HIVEP3: variants seen among roughly 807,000 people sequenced by gnomAD.
The protein encoded by HIVEP3 is transcription factor HIVEP3.
A neutral mutation model predicts 152.8 loss-of-function variants in HIVEP3; 49 were observed. The observed-to-expected ratio is 0.32, with a 90% CI of 0.26 to 0.41. HIVEP3 has a LOEUF of 0.41. Ranked by LOEUF, HIVEP3 falls within the 10% of genes least tolerant of loss-of-function variation. The pLI, the probability that HIVEP3 is intolerant of heterozygous loss-of-function variation, is 1.00. For synonymous variants in HIVEP3, 1,269 were observed against 1,289.0 expected (o/e 0.98, Z 0.33); for missense variants, 2,790 against 3,103.3 (o/e 0.90, Z 2.40).
At chr1:41,790,132 A>C (rs1015341553) in intron 1 of HIVEP3, among the ~76,000 whole-genome samples, 3 of 152,098 alleles carry the variant, frequency 2.0e-5, no homozygotes, top group Non-Finnish European at 4.4e-5. Flanking sequence ...TCATTCCCCC[A>C]AATCTCATGC....
At chr1:41,655,743 T>C (rs1028279650) in intron 2 of HIVEP3, among the ~76,000 whole-genome samples, 4 of 152,150 alleles carry the variant, frequency 2.6e-5, no homozygotes, top group African/African-American at 9.7e-5. Flanking sequence ...TTGTTCACGA[T>C]TGGCCTCCCT....
chr1:41,889,039 C>T (rs373215779), intron 1 of HIVEP3, among the ~76,000 whole-genome samples: 6,370 of 148,628 alleles, frequency 0.043, 453 homozygotes, highest in African/African-American at 0.15. Flanking sequence ...ACGCTACACA[C>T]ACACACACAC....
intron 1 of HIVEP3, among the ~76,000 whole-genome samples, chr1:41,937,787 G>A (rs1289237078): frequency 2.0e-5 from 3 of 152,162 alleles, no homozygotes; most frequent in South Asian, 2.1e-4. Flanking sequence ...AGAAAGTTCT[G>A]ATTGGACATT....
At chr1:41,717,312 C>T (rs1260504556) in intron 1 of HIVEP3, among the ~76,000 whole-genome samples, 4 of 152,112 alleles carry the variant, frequency 2.6e-5, no homozygotes, top group East Asian at 1.9e-4. Context: ...CTATTCTAGG[C>T]GGTGAATCAG....
chr1:41,666,853 C>T (rs1406844000), intron 2 of HIVEP3, among the ~76,000 whole-genome samples: 1 of 152,222 alleles, frequency 6.6e-6, no homozygotes, highest in Non-Finnish European at 1.5e-5. Flanking sequence ...CTCAGTTTAC[C>T]AGTCCAAACC....
At chr1:41,639,810 G>T (rs1191533930) in intron 2 of HIVEP3, among the ~76,000 whole-genome samples, 1 of 152,194 alleles carries the variant, frequency 6.6e-6, no homozygotes, top group Admixed American at 6.5e-5. Flanking sequence ...CAGACAAGAG[G>T]CTTCTCTCTC....
intron 1 of HIVEP3, among the ~76,000 whole-genome samples, chr1:41,863,593 T>A (rs932496213): frequency 1.3e-5 from 2 of 152,228 alleles, no homozygotes; most frequent in Non-Finnish European, 2.9e-5. Flanking sequence ...TACTTTTGCA[T>A]TTGTAGCCAA....
chr1:41,674,713 C>T (rs932142634), intron 2 of HIVEP3, among the ~76,000 whole-genome samples: 1 of 152,216 alleles, frequency 6.6e-6, no homozygotes, highest in African/African-American at 2.4e-5. Context: ...GCTGAGATCA[C>T]ATCCAGCCGC....
chr1:41,563,401 A>G (rs548601593), intron 5 of HIVEP3, among the ~76,000 whole-genome samples: 22 of 152,110 alleles, frequency 1.4e-4, no homozygotes, highest in African/African-American at 4.8e-4. Flanking sequence ...AAGTGAATGC[A>G]ATGCATACAG....
Position 41,508,054 on chromosome 1 carries a change from G to A in HIVEP3, c.*2397C>T, listed in dbSNP as rs1311376057. ...TGTTCATTGCTAGGCTGCCCAGGGA[G>A]GAAACCTTGGGTGGGTAGGCTGTTT... On this transcript the variant is annotated 3_prime_UTR_variant, in exon 9 of 9. Transcript: ENST00000372583. 6.6e-6 allele frequency: 1 copy of A among 152,308 alleles called. No homozygotes were observed. Among genetic ancestry groups the A allele is most frequent in the Non-Finnish European group, 1.5e-5 (1 of 68,124 alleles). The allele number at this position is 152,308 out of a possible 1,614,324, so 9.4% of individuals were successfully genotyped here. A position where few individuals can be genotyped will look rare whatever the true frequency, so the allele number is the denominator to read the frequency against.
In HIVEP3 at chr1:41,783,179, G is replaced by A. The variant is rs560911674; in HGVS notation, c.-800-82184C>T. ...ATGGGACAGAATCACAGGAGAAAAG[G>A]AGAAACATGGTAAGCCCTTGGCAGA... On this transcript the variant is annotated intron_variant, in intron 1 of 8. Transcript: ENST00000372583. Among the ~76,000 whole-genome samples the A allele has an allele frequency of 1.1e-4, 16 of 152,288 alleles. 1 individual carries two copies. Among genetic ancestry groups the A allele is most frequent in the East Asian group, 9.6e-4 (5 of 5,182 alleles).
chr1:42,022,199 A>G (rs1467133839), intron 1 of HIVEP3, among the ~76,000 whole-genome samples: 1 of 152,162 alleles, frequency 6.6e-6, no homozygotes, highest in East Asian at 1.9e-4. Context: ...CATCACTACT[A>G]TTCTTTCTCA....
intron 3 of HIVEP3, among the ~76,000 whole-genome samples, chr1:41,601,010 G>A (rs1474041762): frequency 6.6e-6 from 1 of 152,124 alleles, no homozygotes; most frequent in East Asian, 1.9e-4. Flanking sequence ...TTATTGAAGA[G>A]ACTACCCTTC....
intron 1 of HIVEP3, among the ~76,000 whole-genome samples, chr1:41,713,915 C>T (rs755171822): frequency 9.9e-5 from 15 of 152,172 alleles, no homozygotes; most frequent in Non-Finnish European, 1.5e-4. Flanking sequence ...GAGAGCCCCC[C>T]GAAACAATGC....
chr1:42,023,189 T>C (rs1645564180), intron 1 of HIVEP3, among the ~76,000 whole-genome samples: 1 of 152,112 alleles, frequency 6.6e-6, no homozygotes, highest in South Asian at 2.1e-4. Context: ...TTATTTTTAG[T>C]AGAGACAGGG....
chr1:41,777,033 A>G (rs1241490204), intron 1 of HIVEP3, among the ~76,000 whole-genome samples: 1 of 152,204 alleles, frequency 6.6e-6, no homozygotes, highest in Admixed American at 6.5e-5. Flanking sequence ...CTCCTGGTTC[A>G]GGTTCTCTTC....
At chr1:41,995,405 TCA>T (rs761651817) in intron 1 of HIVEP3, among the ~76,000 whole-genome samples, 31 of 152,198 alleles carry the variant, frequency 2.0e-4, no homozygotes, top group Non-Finnish European at 2.6e-4. Context: ...AATTGTATTA[TCA>T]GTGAAAGCAT....
In HIVEP3 at chr1:41,580,587, T is replaced by A; in HGVS notation, c.4211A>T (p.Glu1404Val). The A allele has an allele frequency of 1.2e-6, 2 of 1,614,190 alleles. No homozygotes were observed. The highest frequency in any genetic ancestry group is 1.7e-6 in the Non-Finnish European group (2 of 1,180,046). Residue 1404 changes from glutamate to valine, a missense_variant, in exon 4 of 9, where the codon GAA becomes GTA. Glu to Val is a moderately radical substitution (Grantham distance 121, BLOSUM62 -2). This residue lies in a region of HIVEP3 where 1,078 missense variants were observed against 1,165.3 expected (regional missense o/e 0.93). Coordinates refer to ENST00000372583, the MANE Select transcript of HIVEP3 (RefSeq NM_024503.5). Reference protein sequence around the residue: ...PYLRVPVTLPERKGTSLSSES... With the variant: ...PYLRVPVTLPVRKGTSLSSES... ...TGATGACAGGGAAGTGCCTTTTCTT[T>A]CAGGTAATGTCACAGGCACTCTCAG... is the stretch of plus-strand genomic sequence containing the variant.
chr1:41,583,752 G>T lies in HIVEP3; in HGVS notation c.1046C>A (p.Pro349His). 1.3e-6 allele frequency: 2 copies of T among 1,596,882 alleles called. No individual in the cohort carries two copies. Among genetic ancestry groups the T allele is most frequent in the Non-Finnish European group, 1.7e-6 (2 of 1,171,070 alleles). The change falls in exon 4 of 9, where the codon CCC becomes CAC. Residue 349 changes from proline to histidine, a missense_variant. Transcript: ENST00000372583. This position sits in a 1 kb window ranked among gnomAD's most constrained non-coding sequence, Gnocchi z 6.9. ...GGTGTCTTCAGGTTTATGGCTCAGG[G>T]GGTGCTCAGATGAGGGTTCCACAAA... ...PPFVEPSSEH[P>H]LSHKPEDTHT...
Sources: allele counts gnomAD v4.1 joint callset (sites outside exome capture counted in the v4.1 genomes callset), GRCh38; gene constraint gnomAD v4.1.1; regional missense constraint gnomAD v4.1.1; non-coding constraint Gnocchi (gnomAD v3.1); transcripts MANE v1.5; gene names NCBI Gene and HGNC (gene_info 2026-07-23, HGNC 2026-07-21).